The following CDK11B variants were observed in gnomAD, a reference collection of about 807,000 sequenced individuals.
CDK11B encodes cyclin dependent kinase 11B, also known as cyclin-dependent kinase 11B.
CDK11B carries 37 observed loss-of-function variants against 84.0 expected under a neutral mutation model. The observed-to-expected ratio is 0.44, with a 90% CI of 0.34 to 0.58. The LOEUF is 0.58. Ranked by LOEUF, CDK11B falls within the 20% of genes least tolerant of loss-of-function variation. CDK11B has a pLI of 0.02. For synonymous variants in CDK11B, 269 were observed against 309.8 expected (o/e 0.87, Z 1.38); for missense variants, 427 against 834.0 (o/e 0.51, Z 6.01).
intron 10 of CDK11B, among the ~76,000 whole-genome samples, chr1:1,640,759 C>T (rs1323662026): frequency 1.3e-5 from 2 of 152,100 alleles, no homozygotes; most frequent in Non-Finnish European, 2.9e-5. Context: ...CAGGCCTCTG[C>T]TCTGCAGGGA....
chr1:1,637,469 C>T lies in CDK11B; in HGVS notation c.1509G>A (p.Met503Ile). The T allele has an allele frequency of 6.2e-7, 1 of 1,613,726 alleles. No individual in the cohort carries two copies. The highest frequency in any genetic ancestry group is 8.5e-7 in the Non-Finnish European group (1 of 1,179,688). The change falls in exon 14 of 20, where the codon ATG (methionine) becomes ATA (isoleucine). Residue 503 changes from methionine to isoleucine, a missense_variant. This residue lies in a region of CDK11B where 24 missense variants were observed against 93.2 expected (regional missense o/e 0.26). Transcript: ENST00000341832. ...GSNMDKIYIV[M>I]NYVEHDLKSL... ...TCTTGAGGTCGTGCTCCACATAGTT[C>T]ATCACGATGTAGATCTTGTCCATGT...
chr1:1,636,822 A>G, intron 16 of CDK11B, 24 bp from the exon 17 acceptor site: 1 of 1,613,732 alleles, frequency 6.2e-7, no homozygotes, highest in Non-Finnish European at 8.5e-7. Context: ...AGAGGTGTTC[A>G]GGAGGGCCAG....
chr1:1,636,236 G>A lies in CDK11B; in HGVS notation c.2066+97C>T. The A allele has an allele frequency of 3.3e-6, 4 of 1,226,998 alleles. No homozygotes were observed. In the South Asian group the frequency reaches 5.6e-5, roughly 17 times the overall value. The allele number at this position is 1,226,998 out of a possible 1,614,324, so 76.0% of individuals were successfully genotyped here. Reference sequence around the variant, plus strand: ...AGGGCATGGGACGCCAGGCACCAGAGCAGTTCTGGAACGTGGTGAGCCAGC... The same window carrying A: ...AGGGCATGGGACGCCAGGCACCAGAACAGTTCTGGAACGTGGTGAGCCAGC... On this transcript the variant is annotated intron_variant, in intron 18 of 19. Transcript: ENST00000341832.
chr1:1,656,703 T>C lies in CDK11B; in HGVS notation c.111+672A>G, dbSNP rs1403135625. 2.6e-5 allele frequency among the ~76,000 whole-genome samples: 4 copies of C among 152,050 alleles called. No homozygotes were observed. The South Asian group carries it at 6.2e-4, about 24-fold the overall frequency. On this transcript the variant is annotated intron_variant, in intron 2 of 19. Coordinates refer to ENST00000341832, the MANE Select transcript of CDK11B (RefSeq NM_033486.3). The stretch of plus-strand genomic sequence containing the variant: ...TACTTGGGAGGCTGAGGCAGGAGAA[T>C]GGCGTGAACCCGGCCCTGGGCGACA...
chr1:1,645,432 C>CGG lies in CDK11B; in HGVS notation c.495-172_495-171dup, dbSNP rs1464130048. 3 of 589,060 alleles carry CGG rather than the reference C, an allele frequency of 5.1e-6. No individual in the cohort carries two copies. The African/African-American group carries it at 6.1e-5, about 12-fold the overall frequency. The allele number at this position is 589,060 out of a possible 1,614,324, so 36.5% of individuals were successfully genotyped here. ...TTCATCTGTCCCCCAGGCTGGAGTG[C>CGG]GGTGGCGCGATCTCGGCTCACTGCA... is the stretch of plus-strand genomic sequence containing the variant. On this transcript the variant is annotated intron_variant, in intron 5 of 19. Coordinates refer to ENST00000341832, the MANE Select transcript of CDK11B (RefSeq NM_033486.3).
rs1445847724 is a variant in CDK11B, at chr1:1,653,023, T to C, written c.228-457A>G. 1.1e-3 allele frequency among the ~76,000 whole-genome samples: 169 copies of C among 150,864 alleles called. 1 individual carries two copies. Among genetic ancestry groups the C allele is most frequent in the African/African-American group, 3.9e-3 (160 of 41,048 alleles). ...CAGGCGTGAGCCACTGCGCCCGGCC[T>C]GTATTTATTTTTTTGAGACGGAGTC... On this transcript the variant is annotated intron_variant, in intron 3 of 19. Transcript: ENST00000341832.
Position 1,645,109 on chromosome 1 carries a change from C to A in CDK11B, c.631+17G>T. The A allele has an allele frequency of 1.1e-6, 1 of 889,756 alleles. No homozygotes were observed. Among genetic ancestry groups the A allele is most frequent in the Non-Finnish European group, 1.7e-6 (1 of 601,792 alleles). 55.1% of individuals were successfully genotyped at this position (889,756 alleles called of 1,614,324 possible). ...ACACGCGTCCCGCCGAGCACAGCTG[C>A]CCACCGCGCCGCCTACCTTCCCTGC... On this transcript the variant is annotated intron_variant, in intron 6 of 19. Transcript: ENST00000341832.
Position 1,655,510 on chromosome 1 carries a change from A to G in CDK11B, c.112-26T>C, listed in dbSNP as rs747680391. On this transcript the variant is annotated intron_variant, in intron 2 of 19. Coordinates refer to ENST00000341832, the MANE Select transcript of CDK11B (RefSeq NM_033486.3). Reference sequence around the variant, plus strand: ...CTAAGAAGCAAAGAGAAAGTTAATCATTTTCTTTATAAGTTTTTTTTTCTT... The same window carrying G: ...CTAAGAAGCAAAGAGAAAGTTAATCGTTTTCTTTATAAGTTTTTTTTTCTT... 26 of 1,565,058 alleles carry G rather than the reference A, an allele frequency of 1.7e-5. No individual in the cohort carries two copies. The African/African-American group carries it at 3.2e-4, about 19-fold the overall frequency.
chr1:1,650,430 A>G (rs1641842840), intron 4 of CDK11B, among the ~76,000 whole-genome samples: 2 of 144,688 alleles, frequency 1.4e-5, no homozygotes, highest in African/African-American at 5.2e-5. Flanking sequence ...CAGTGGCGCA[A>G]TCTCGGCTCA....
intron 10 of CDK11B, among the ~76,000 whole-genome samples, chr1:1,640,801 C>A (rs2100751483): frequency 6.6e-6 from 1 of 152,318 alleles, no homozygotes; most frequent in East Asian, 1.9e-4. Context: ...ACGGGCCTCC[C>A]CTGTGGGGAA....
In CDK11B at chr1:1,635,514, G is replaced by A. The variant is rs918741901; in HGVS notation, c.*250C>T. The A allele has an allele frequency of 9.5e-5, 42 of 440,816 alleles. 6 individuals carry two copies. Among genetic ancestry groups the A allele is most frequent in the Non-Finnish European group, 1.5e-4 (40 of 258,226 alleles). 27.3% of individuals were successfully genotyped at this position (440,816 alleles called of 1,614,324 possible). ...AGTGGGAGAGGGTGTGTGGAGGTTT[G>A]TGCTGCCCCACGTGGGCACCCGAAG... On this transcript the variant is annotated 3_prime_UTR_variant, in exon 20 of 20. Transcript: ENST00000341832.
intron 3 of CDK11B, 105 bp downstream of exon 3, chr1:1,655,264 C>G: frequency 7.3e-7 from 1 of 1,376,362 alleles, no homozygotes; most frequent in Non-Finnish European, 9.7e-7. Flanking sequence ...AAAGAGTAAA[C>G]CTTAATAGTT....
In CDK11B at chr1:1,637,441, G is replaced by A. The variant is rs1354069578; in HGVS notation, c.1537C>T (p.Leu513=). The A allele has an allele frequency of 2.5e-6, 4 of 1,613,620 alleles. No individual in the cohort carries two copies. The highest frequency in any genetic ancestry group is 1.7e-5 in the Admixed American group (1 of 59,982). Residue 513 remains leucine, a synonymous_variant, in exon 14 of 20, where the codon CTG becomes TTG. Transcript: ENST00000341832. ...AAGGGCTGTTTCATGGTCTCCATCA[G>A]GCTCTTGAGGTCGTGCTCCACATAG... The part of the protein sequence containing the change: ...MNYVEHDLKS[L]METMKQPFLP...
At position 1,636,996 on chromosome 1, in the gene CDK11B, G is replaced by A. The variant is rs369348670; in HGVS notation, c.1701C>T (p.Asp567=). The A allele has an allele frequency of 1.7e-3, 2,734 of 1,612,258 alleles. 22 individuals are homozygous for A. Among genetic ancestry groups the A allele is most frequent in the South Asian group, 0.012 (1,054 of 90,950 alleles). The change falls in exon 16 of 20, where the codon GAC becomes GAT. Residue 567 remains aspartate (D), a synonymous_variant. Coordinates refer to ENST00000341832, the MANE Select transcript of CDK11B (RefSeq NM_033486.3). ...ATCCGTACTCCCGCGCCAGCCCGAA[G>A]TCACCCACCTGCAACGACAGATGGG... ...LSHAGILKVG[D]FGLAREYGSP... is the part of the protein sequence containing the mutation.
chr1:1,652,811 C>T (rs1473351181), intron 3 of CDK11B, among the ~76,000 whole-genome samples: 1 of 152,008 alleles, frequency 6.6e-6, no homozygotes, highest in Admixed American at 6.6e-5. Context: ...CTGCAATCTC[C>T]ACCCTCCGGG....
At chr1:1,638,634 C>G in intron 11 of CDK11B, 44 bp from the exon 12 acceptor site, 1 of 1,170,374 alleles carries the variant, frequency 8.5e-7, no homozygotes, top group East Asian at 2.4e-5. Flanking sequence ...GCCATGCCAG[C>G]TGGAGGGAGG....
chr1:1,651,879 C>G (rs1642061196), intron 4 of CDK11B, among the ~76,000 whole-genome samples: 1 of 150,578 alleles, frequency 6.6e-6, no homozygotes, highest in Admixed American at 6.6e-5. Context: ...TCTGAATGGT[C>G]TGTGACACAT....
At chr1:1,636,845 T>C in intron 16 of CDK11B, 47 bp from the exon 17 acceptor site, 3 of 1,612,804 alleles carry the variant, frequency 1.9e-6, no homozygotes, top group Non-Finnish European at 2.5e-6. Flanking sequence ...CCCGCGAAGC[T>C]GTGGGAGGCT....
At chr1:1,638,033 G>A (rs1340408341) in intron 12 of CDK11B, 150 bp from the exon 13 acceptor site, 10 of 1,434,570 alleles carry the variant, frequency 7.0e-6, no homozygotes, top group African/African-American at 4.2e-5. Context: ...GTGGGCACCA[G>A]GAGAACGCCC....
Sources: gnomAD v4.1 joint callset for allele counts (sites outside exome capture counted in the v4.1 genomes callset) on GRCh38, gnomAD v4.1.1 for gene constraint, gnomAD v4.1.1 regional missense constraint, MANE v1.5 for transcripts, NCBI Gene and HGNC (gene_info 2026-07-23, HGNC 2026-07-21) for gene names.